PCNX2: variants seen among roughly 807,000 people sequenced by gnomAD.
PCNX2 encodes the protein pecanex 2.
Under a neutral mutation model 223.8 loss-of-function variants are expected in PCNX2, and 168 were observed. The ratio of observed to expected loss-of-function variants is 0.75; its 90% confidence interval spans 0.66 to 0.85. The LOEUF (loss-of-function observed/expected upper bound fraction) is 0.85. PCNX2 is among the 40% of genes least tolerant of loss of function. The pLI is 0.00. For synonymous variants in PCNX2, 1,006 were observed against 1,052.6 expected (o/e 0.96, Z 0.86); for missense variants, 2,507 against 2,675.5 (o/e 0.94, Z 1.39).
Position 233,295,220 on chromosome 1 carries a change from T to G in PCNX2, c.153+106A>C, listed in dbSNP as rs960868792. The G allele has an allele frequency of 2.7e-6, 4 of 1,474,508 alleles. No homozygotes were observed. In the Admixed American group the frequency reaches 6.2e-5, roughly 23 times the overall value. 91.3% of individuals were successfully genotyped at this position (1,474,508 alleles called of 1,614,324 possible). ...CCCCTCCCTTTCCGTCTCTTAAGAA[T>G]CTCTACGAACCCGAAAGCCCGTGAG... On this transcript the variant is annotated intron_variant, in intron 1 of 33. Transcript: ENST00000258229. The surrounding 1 kb of genome is among the most constrained non-coding windows in gnomAD (Gnocchi z 4.1).
intron 23 of PCNX2, among the ~76,000 whole-genome samples, chr1:233,078,322 G>T (rs980254096): frequency 6.6e-6 from 1 of 152,232 alleles, no homozygotes; most frequent in Non-Finnish European, 1.5e-5. Flanking sequence ...TGGCCTTGGG[G>T]ATTAAACCCT....
At chr1:233,324,128 CT>C in the PCNX2 span, among the ~76,000 whole-genome samples, 1 of 152,238 alleles carries the variant, frequency 6.6e-6, no homozygotes, top group Admixed American at 6.5e-5. Flanking sequence ...CCTTAACTCT[CT>C]TCAATTCTAG....
intron 8 of PCNX2, among the ~76,000 whole-genome samples, chr1:233,249,592 C>G (rs145974646): frequency 1.3e-5 from 2 of 152,144 alleles, no homozygotes; most frequent in Non-Finnish European, 2.9e-5. Flanking sequence ...TGGATTGGTC[C>G]ATGGTACCTG....
rs1157647814 is a variant in PCNX2, at chr1:233,000,413, C to T, written c.5220G>A (p.Leu1740=). The change falls in exon 30 of 34, where the codon CTG becomes CTA. Residue 1740 remains leucine (L), a synonymous_variant. Transcript: ENST00000258229. This position sits in a 1 kb window ranked among gnomAD's most constrained non-coding sequence, Gnocchi z 4.6. ...EGDPAWRGAV[L]SNKEELLTLR... is the part of the protein sequence containing the mutation. ...GGGTGAGCAGCTCTTCCTTGTTGGA[C>T]AGCACTGCGCCCCGCCAGGCCGGGT... 1.9e-6 allele frequency: 3 copies of T among 1,606,154 alleles called. No individual in the cohort carries two copies. The South Asian group carries it at 3.3e-5, about 18-fold the overall frequency.
At chr1:233,266,448 C>T (rs1029660213) in intron 1 of PCNX2, among the ~76,000 whole-genome samples, 1 of 152,118 alleles carries the variant, frequency 6.6e-6, no homozygotes, top group Non-Finnish European at 1.5e-5. Flanking sequence ...TATGCTCTTC[C>T]GAGGCTCCTC....
chr1:233,066,339 G>C (rs1672609233), intron 23 of PCNX2, among the ~76,000 whole-genome samples: 2 of 152,188 alleles, frequency 1.3e-5, no homozygotes, highest in East Asian at 3.9e-4. Flanking sequence ...TGATCCTTCT[G>C]GGGGCCCAGA....
At chr1:233,198,878 T>TA in intron 15 of PCNX2, 61 bp downstream of exon 15, 4 of 1,436,100 alleles carry the variant, frequency 2.8e-6, no homozygotes, top group Non-Finnish European at 3.8e-6. Flanking sequence ...TTCATTTGTT[T>TA]AAAAAAATAA....
At chr1:233,203,474 T>C (rs537197407) in intron 13 of PCNX2, among the ~76,000 whole-genome samples, 26 of 152,262 alleles carry the variant, frequency 1.7e-4, no homozygotes, top group African/African-American at 6.3e-4. Context: ...CCGAGTAATA[T>C]TCTGAACATA....
intron 8 of PCNX2, among the ~76,000 whole-genome samples, chr1:233,237,971 T>C (rs1658516543): frequency 6.6e-6 from 1 of 152,174 alleles, no homozygotes; most frequent in South Asian, 2.1e-4. Flanking sequence ...GTAACAAAAG[T>C]AAAAGACAGT....
At chr1:233,034,828 G>C (rs748095379) in intron 25 of PCNX2, among the ~76,000 whole-genome samples, 17 of 152,232 alleles carry the variant, frequency 1.1e-4, no homozygotes, top group Non-Finnish European at 2.5e-4. Context: ...AAGAGTGTGA[G>C]AGTGGAAGGG....
chr1:233,051,992 C>T (rs924262254), intron 25 of PCNX2, among the ~76,000 whole-genome samples: 12 of 152,166 alleles, frequency 7.9e-5, no homozygotes, highest in African/African-American at 2.4e-4. Flanking sequence ...CACCATCTCT[C>T]GTGACATTTT....
At chr1:233,133,071 G>T (rs1301826720) in intron 21 of PCNX2, among the ~76,000 whole-genome samples, 1 of 151,664 alleles carries the variant, frequency 6.6e-6, no homozygotes, top group African/African-American at 2.4e-5. Flanking sequence ...GCTAATTTTT[G>T]TACTTTTTGT....
the PCNX2 span, among the ~76,000 whole-genome samples, chr1:233,307,664 T>C: frequency 4.6e-5 from 7 of 152,366 alleles, no homozygotes; most frequent in African/African-American, 1.7e-4. Flanking sequence ...TCTCTCTGTG[T>C]CTGGTACTAT....
chr1:233,319,530 T>C, the PCNX2 span, among the ~76,000 whole-genome samples: 1,730 of 152,372 alleles, frequency 0.011, 15 homozygotes, highest in Non-Finnish European at 0.02. Flanking sequence ...TCTGGGTTAA[T>C]GTGAGGGCTG....
At chr1:233,019,343 C>T in intron 26 of PCNX2, 1 of 353,202 alleles carries the variant, frequency 2.8e-6, no homozygotes, top group Non-Finnish European at 4.0e-6. Context: ...AGTAGTGTGC[C>T]TGTTCTCCCA....
rs954637524 is a variant in PCNX2, at chr1:233,126,394, G to C, written c.3837+8619C>G. On this transcript the variant is annotated intron_variant, in intron 21 of 33. Coordinates refer to ENST00000258229, the MANE Select transcript of PCNX2 (RefSeq NM_014801.4). This position sits in a 1 kb window ranked among gnomAD's most constrained non-coding sequence, Gnocchi z 4.8. ...TCTCTGCAGGGGTCAAAAGGAAGAG[G>C]CAACATGATATGCACTGTCATGGAA... is the stretch of plus-strand genomic sequence containing the variant. Among the ~76,000 whole-genome samples, 14 of 152,004 alleles carry C rather than the reference G, an allele frequency of 9.2e-5. No homozygotes were observed. Among genetic ancestry groups the C allele is most frequent in the African/African-American group, 3.4e-4 (14 of 41,362 alleles).
At chr1:233,208,774 C>CAT in intron 12 of PCNX2, 85 bp from the exon 13 acceptor site, 1 of 910,948 alleles carries the variant, frequency 1.1e-6, no homozygotes, top group South Asian at 2.1e-5. Flanking sequence ...TACACTATAT[C>CAT]ATATAACTTA....
intron 33 of PCNX2, 161 bp from the exon 34 acceptor site, chr1:232,984,638 A>T: frequency 1.4e-6 from 1 of 720,942 alleles, no homozygotes; most frequent in South Asian, 2.0e-5. Context: ...GGGCCAGCAC[A>T]GTGGCCTCTG....
At chr1:233,178,967 G>T in intron 16 of PCNX2, 99 bp downstream of exon 16, 2 of 985,834 alleles carry the variant, frequency 2.0e-6, no homozygotes, top group Non-Finnish European at 1.5e-6. Context: ...AATCACAATG[G>T]GCAGTGAATT....
Sources: allele counts gnomAD v4.1 joint callset (sites outside exome capture counted in the v4.1 genomes callset), GRCh38; gene constraint gnomAD v4.1.1; non-coding constraint Gnocchi (gnomAD v3.1); transcripts MANE v1.5; gene names NCBI Gene and HGNC (gene_info 2026-07-23, HGNC 2026-07-21).